Variants in KIF26B observed in about 807,000 individuals in gnomAD.
The protein encoded by KIF26B is kinesin family member 26B, also known as kinesin-like protein KIF26B.
In KIF26B, 63 loss-of-function variants were observed where a neutral mutation model predicts 151.2. The observed-to-expected ratio is 0.42, with a 90% CI of 0.34 to 0.51. The LOEUF is 0.51. Ranked by LOEUF, KIF26B falls within the 20% of genes least tolerant of loss-of-function variation. KIF26B has a pLI of 0.07. For missense variants in KIF26B, 2,813 were observed against 2,913.6 expected (o/e 0.97, Z 0.79); for synonymous variants, 1,357 against 1,262.1 (o/e 1.08, Z -1.59).
intron 4 of KIF26B, among the ~76,000 whole-genome samples, chr1:245,533,316 C>G (rs536187822): frequency 1.3e-5 from 2 of 152,292 alleles, no homozygotes; most frequent in Non-Finnish European, 2.9e-5. Context: ...GGGACCCTTT[C>G]TGTTCAGCAG....
intron 6 of KIF26B, among the ~76,000 whole-genome samples, chr1:245,605,730 C>T (rs911278193): frequency 2.0e-5 from 3 of 152,122 alleles, no homozygotes; most frequent in African/African-American, 7.2e-5. Flanking sequence ...GCCTCCGGGG[C>T]CCCTGCCAGC....
At chr1:245,332,108 A>G (rs1672126446) in intron 2 of KIF26B, among the ~76,000 whole-genome samples, 1 of 152,230 alleles carries the variant, frequency 6.6e-6, no homozygotes, top group Non-Finnish European at 1.5e-5. Context: ...CTGGGGCGAC[A>G]GAACAAGACT....
chr1:245,368,987 A>T (rs540090083), intron 3 of KIF26B, among the ~76,000 whole-genome samples: 1 of 152,096 alleles, frequency 6.6e-6, no homozygotes, highest in South Asian at 2.1e-4. Flanking sequence ...AAAATACAAA[A>T]ATTAGCCAAG....
chr1:245,321,745 C>T (rs1199766847), intron 2 of KIF26B, among the ~76,000 whole-genome samples: 1 of 152,210 alleles, frequency 6.6e-6, no homozygotes, highest in Non-Finnish European at 1.5e-5. Flanking sequence ...CCGCAATTGG[C>T]CAGTGCTCTA....
chr1:245,340,897 C>T (rs139664795), intron 2 of KIF26B, among the ~76,000 whole-genome samples: 421 of 152,256 alleles, frequency 2.8e-3, no homozygotes, highest in African/African-American at 9.5e-3. Flanking sequence ...AAATGCACTG[C>T]GGTCATCCAG....
chr1:245,298,473 G>A (rs1482696564), intron 2 of KIF26B, among the ~76,000 whole-genome samples: 1 of 152,190 alleles, frequency 6.6e-6, no homozygotes, highest in Non-Finnish European at 1.5e-5. Flanking sequence ...AAAGAAAGTA[G>A]AATAGAGGTT....
chr1:245,268,505 AT>A, intron 2 of KIF26B, among the ~76,000 whole-genome samples: 1 of 139,590 alleles, frequency 7.2e-6, no homozygotes, highest in African/African-American at 2.7e-5. Context: ...AATAATAATA[AT>A]AATAATAATA....
At chr1:245,527,834 G>A (rs1391075713) in intron 4 of KIF26B, among the ~76,000 whole-genome samples, 5 of 151,938 alleles carry the variant, frequency 3.3e-5, no homozygotes, top group African/African-American at 9.7e-5. Flanking sequence ...CGCCCGGCCC[G>A]GGATGGCTTT....
At chr1:245,233,647 T>TA (rs912671004) in intron 2 of KIF26B, among the ~76,000 whole-genome samples, 18 of 151,568 alleles carry the variant, frequency 1.2e-4, no homozygotes, top group African/African-American at 2.9e-4. Flanking sequence ...TACACACACT[T>TA]AAAAAAAAAT....
At position 245,609,464 on chromosome 1, in the gene KIF26B, G is replaced by A. The variant is rs1445732020; in HGVS notation, c.1850G>A (p.Gly617Asp). Residue 617 changes from glycine to aspartate, a missense_variant, in exon 8 of 15, where the codon GGC becomes GAC. Gly to Asp is a moderately conservative substitution (Grantham distance 94, BLOSUM62 -1). This residue lies in a region of KIF26B where 2,060 missense variants were observed against 2,088.6 expected (regional missense o/e 0.99). Coordinates refer to ENST00000407071, the MANE Select transcript of KIF26B (RefSeq NM_018012.4). ...GACCTGCTGTCGGAGGTGGCCACGG[G>A]CAGCCTGCAGGACGGCCAGTCCCCG... is the stretch of plus-strand genomic sequence containing the variant. ...LRDLLSEVAT[G>D]SLQDGQSPGV... The A allele has an allele frequency of 6.2e-7, 1 of 1,603,276 alleles. No individual in the cohort carries two copies. The highest frequency in any genetic ancestry group is 8.5e-7 in the Non-Finnish European group (1 of 1,174,934).
chr1:245,524,703 T>C (rs1206350561), intron 4 of KIF26B, among the ~76,000 whole-genome samples: 1 of 152,254 alleles, frequency 6.6e-6, no homozygotes, highest in Non-Finnish European at 1.5e-5. Context: ...GCTTCATAAT[T>C]CAGTCTAAGG....
intron 2 of KIF26B, among the ~76,000 whole-genome samples, chr1:245,303,010 A>AAG (rs991648759): frequency 1.3e-5 from 2 of 149,064 alleles, no homozygotes; most frequent in Non-Finnish European, 3.0e-5. Context: ...AAAAAAAAAA[A>AAG]AAAGAAAGAA....
chr1:245,264,593 C>CA lies in KIF26B; in HGVS notation c.466-102232dup, dbSNP rs965557442. 5.5e-4 allele frequency among the ~76,000 whole-genome samples: 82 copies of CA among 150,034 alleles called. 1 individual carries two copies. Among genetic ancestry groups the CA allele is most frequent in the Non-Finnish European group, 8.0e-4 (54 of 67,406 alleles). On this transcript the variant is annotated intron_variant, in intron 2 of 14. Coordinates refer to ENST00000407071, the MANE Select transcript of KIF26B (RefSeq NM_018012.4). ...TATTGTTCTTAAAAAAAAAACAAAA[C>CA]AAAAAAAAACAGAGCCCCAGGCTGG...
intron 5 of KIF26B, among the ~76,000 whole-genome samples, chr1:245,543,111 TG>T (rs2103104263): frequency 6.6e-6 from 1 of 152,260 alleles, no homozygotes; most frequent in Non-Finnish European, 1.5e-5. Flanking sequence ...CAAGGGTTGA[TG>T]TGGATGCATC....
intron 10 of KIF26B, among the ~76,000 whole-genome samples, chr1:245,646,496 T>C (rs1263148487): frequency 2.0e-5 from 3 of 152,206 alleles, no homozygotes; most frequent in Admixed American, 2.0e-4. Flanking sequence ...GTTCTAACTT[T>C]AGGCTGCTCA....
chr1:245,169,328 G>GGTGTGTGTGGGT (rs536686350), intron 2 of KIF26B, among the ~76,000 whole-genome samples: 1 of 134,092 alleles, frequency 7.5e-6, no homozygotes, highest in Non-Finnish European at 1.6e-5. Flanking sequence ...AACGGGCCAT[G>GGTGTGTGTGGGT]GTGTGTGTGT....
chr1:245,530,981 G>C (rs959469970), intron 4 of KIF26B, among the ~76,000 whole-genome samples: 5 of 152,120 alleles, frequency 3.3e-5, no homozygotes, highest in Non-Finnish European at 5.9e-5. Context: ...CTGTGTATGT[G>C]GGGGGAGGTT....
intron 2 of KIF26B, among the ~76,000 whole-genome samples, chr1:245,266,478 C>T (rs1670748140): frequency 6.6e-6 from 1 of 151,974 alleles, no homozygotes; most frequent in Non-Finnish European, 1.5e-5. Flanking sequence ...GATTTGAATC[C>T]ATCTTTTACC....
At chr1:245,553,073 T>C (rs1661932226) in intron 5 of KIF26B, among the ~76,000 whole-genome samples, 1 of 152,224 alleles carries the variant, frequency 6.6e-6, no homozygotes, top group African/African-American at 2.4e-5. Flanking sequence ...TGTTTGTTTC[T>C]ACTGTTCTTT....
Sources: gnomAD v4.1 joint callset for allele counts (sites outside exome capture counted in the v4.1 genomes callset) on GRCh38, gnomAD v4.1.1 for gene constraint, gnomAD v4.1.1 regional missense constraint, MANE v1.5 for transcripts, NCBI Gene and HGNC (gene_info 2026-07-23, HGNC 2026-07-21) for gene names.